The following ABCA13 variants were observed in gnomAD, a reference collection of about 807,000 sequenced individuals.
The protein encoded by ABCA13 is ATP-binding cassette sub-family A member 13.
Under a neutral mutation model 478.7 loss-of-function variants are expected in ABCA13, and 476 were observed. The observed-to-expected ratio is 0.99, with a 90% confidence interval of 0.92 to 1.07. The LOEUF is 1.07. Among genes scored for constraint, ABCA13 ranks in the 50% least tolerant of loss-of-function variants. The pLI, the probability that ABCA13 is intolerant of heterozygous loss-of-function variation, is 0.00. For synonymous variants in ABCA13, 2,252 were observed against 2,158.9 expected (o/e 1.04, Z -1.20); for missense variants, 6,060 against 5,910.6 (o/e 1.03, Z -0.83).
intron 42 of ABCA13, among the ~76,000 whole-genome samples, chr7:48,439,949 G>T (rs962378530): frequency 8.5e-5 from 13 of 152,084 alleles, no homozygotes; most frequent in African/African-American, 3.1e-4. Context: ...GGCCACTTTA[G>T]ACTTCTTCCT....
At chr7:48,613,882 T>G (rs952221097) in intron 58 of ABCA13, among the ~76,000 whole-genome samples, 3 of 148,098 alleles carry the variant, frequency 2.0e-5, no homozygotes, top group African/African-American at 7.3e-5. Context: ...AATTATAGAT[T>G]ACCAATTTTG....
At position 48,239,325 on chromosome 7, in the gene ABCA13, G is replaced by A. The variant is rs767453139; in HGVS notation, c.982G>A (p.Val328Ile). Residue 328 changes from valine to isoleucine, a missense_variant, in exon 9 of 62, where the codon GTT (valine) becomes ATT (isoleucine). Physicochemically the swap from Val to Ile is conservative, Grantham distance 29. Transcript: ENST00000435803. ...GGATGAAGCTGAGAAATGGGGCCACGTTGGAGGCTGCCACCCTAAGTGGTC... is the reference window on the plus strand; with the variant it reads ...GGATGAAGCTGAGAAATGGGGCCACATTGGAGGCTGCCACCCTAAGTGGTC... ...SEDEAEKWGH[V>I]GGCHPKWSEA... is the part of the protein sequence containing the mutation. 4.0e-5 allele frequency: 64 copies of A among 1,613,978 alleles called. No individual in the cohort carries two copies. The highest frequency in any genetic ancestry group is 3.3e-4 in the African/African-American group (25 of 75,048).
At chr7:48,368,760 T>C (rs369858539) in intron 32 of ABCA13, among the ~76,000 whole-genome samples, 22 of 126,026 alleles carry the variant, frequency 1.7e-4, no homozygotes, top group East Asian at 1.5e-3. Flanking sequence ...TATATATATA[T>C]ACACACATAT....
At chr7:48,465,524 CTTT>C (rs71552482) in intron 43 of ABCA13, among the ~76,000 whole-genome samples, 6 of 134,454 alleles carry the variant, frequency 4.5e-5, no homozygotes, top group Non-Finnish European at 8.0e-5. Flanking sequence ...TTTCTTCTTT[CTTT>C]TTTTTTTTTT....
chr7:48,286,543 C>T (rs1396991385), intron 19 of ABCA13, among the ~76,000 whole-genome samples: 3 of 152,014 alleles, frequency 2.0e-5, no homozygotes, highest in Non-Finnish European at 2.9e-5. Context: ...CTCGCTCTGT[C>T]GCCCAGGCTG....
rs931050029 is a variant in ABCA13, at chr7:48,233,896, G to C, written c.764-122G>C. ...TGCTTTTTCTATCTGATGCCCCAGT[G>C]GTGTTTGGTCTTCATTTGCTCTTCC... On this transcript the variant is annotated intron_variant, in intron 7 of 61. Transcript: ENST00000435803. 9 of 1,069,496 alleles carry C rather than the reference G, an allele frequency of 8.4e-6. No individual in the cohort carries two copies. The East Asian group carries it at 2.4e-4, about 28-fold the overall frequency. The allele number at this position is 1,069,496 out of a possible 1,614,324, so 66.3% of individuals were successfully genotyped here. A position where few individuals can be genotyped will look rare whatever the true frequency, so the allele number is the denominator to read the frequency against.
At chr7:48,191,211 C>T (rs1450550863) in intron 1 of ABCA13, among the ~76,000 whole-genome samples, 1 of 152,140 alleles carries the variant, frequency 6.6e-6, no homozygotes, top group Non-Finnish European at 1.5e-5. Context: ...TAGTTATCTC[C>T]TGAGCGTCCT....
chr7:48,590,010 C>T (rs1789558893), intron 57 of ABCA13, among the ~76,000 whole-genome samples: 1 of 152,088 alleles, frequency 6.6e-6, no homozygotes, highest in African/African-American at 2.4e-5. Flanking sequence ...AGCCCTATAT[C>T]CTGTATATTA....
intron 41 of ABCA13, among the ~76,000 whole-genome samples, chr7:48,413,753 A>T (rs1332579230): frequency 6.6e-6 from 1 of 152,230 alleles, no homozygotes; most frequent in African/African-American, 2.4e-5. Context: ...TTTGTCTGGA[A>T]TAAATAGTCA....
chr7:48,581,845 C>T (rs1788739215), intron 56 of ABCA13, among the ~76,000 whole-genome samples: 2 of 152,146 alleles, frequency 1.3e-5, no homozygotes, highest in South Asian at 4.1e-4. Context: ...GCATCTGTTT[C>T]CAAAGGAGTT....
At chr7:48,198,034 T>C (rs1464937743) in intron 2 of ABCA13, among the ~76,000 whole-genome samples, 1 of 152,170 alleles carries the variant, frequency 6.6e-6, no homozygotes, top group Admixed American at 6.5e-5. Context: ...ACATGAGTAC[T>C]GACCCTGGAA....
chr7:48,590,157 T>A (rs952340878), intron 57 of ABCA13, among the ~76,000 whole-genome samples: 3 of 152,148 alleles, frequency 2.0e-5, no homozygotes, highest in African/African-American at 7.2e-5. Context: ...TAAGAAGTAG[T>A]GTTTTTCCAT....
chr7:48,630,803 C>G (rs62447355), intron 59 of ABCA13, among the ~76,000 whole-genome samples: 37,278 of 146,562 alleles, frequency 0.25, 5,107 homozygotes, highest in Middle Eastern at 0.38. Flanking sequence ...TTCTCCACAG[C>G]CTTGCCAGCA....
chr7:48,479,141 G>A (rs879422053), intron 45 of ABCA13, among the ~76,000 whole-genome samples: 1 of 151,358 alleles, frequency 6.6e-6, no homozygotes, highest in Non-Finnish European at 1.5e-5. Flanking sequence ...TAGTAGTGAC[G>A]GGGTTTCACC....
chr7:48,537,411 A>G (rs780824057), intron 55 of ABCA13, among the ~76,000 whole-genome samples: 138 of 152,190 alleles, frequency 9.1e-4, no homozygotes, highest in Non-Finnish European at 1.7e-3. Context: ...AGGAAGTAGC[A>G]CTCGAACATG....
chr7:48,468,133 C>A (rs968665118), intron 44 of ABCA13, among the ~76,000 whole-genome samples: 7 of 145,858 alleles, frequency 4.8e-5, no homozygotes, highest in African/African-American at 1.7e-4. Flanking sequence ...AAAAAAAAAT[C>A]TTTTATCTAG....
rs781585195 is a variant in ABCA13, at chr7:48,279,043, A to T, written c.7849A>T (p.Met2617Leu). 6.2e-7 allele frequency: 1 copy of T among 1,613,244 alleles called. No individual in the cohort carries two copies. The highest frequency in any genetic ancestry group is 1.3e-5 in the African/African-American group (1 of 75,056). ...ATCATCAAACTCTGATATTTTCAGT[A>T]TGTCACCTAGCATACTCTCATATAT... is the stretch of plus-strand genomic sequence containing the variant. ...YISSNSDIFS[M>L]SPSILSYMNQ... Residue 2617 changes from methionine (M) to leucine (L), a missense_variant, in exon 18 of 62, where the codon ATG becomes TTG. Coordinates refer to ENST00000435803, the MANE Select transcript of ABCA13 (RefSeq NM_152701.5).
chr7:48,410,983 CTTT>C (rs1818956690), intron 40 of ABCA13, among the ~76,000 whole-genome samples: 1 of 59,812 alleles, frequency 1.7e-5, no homozygotes, highest in African/African-American at 6.3e-5. Flanking sequence ...TTTTCTCTTT[CTTT>C]CTTTCTTTCT....
chr7:48,544,972 G>A (rs1366991319), intron 55 of ABCA13, among the ~76,000 whole-genome samples: 1 of 151,938 alleles, frequency 6.6e-6, no homozygotes, highest in Non-Finnish European at 1.5e-5. Context: ...TTGATTGTTG[G>A]TGGGGAGAAA....
Sources: gnomAD v4.1 joint callset for allele counts (sites outside exome capture counted in the v4.1 genomes callset) on GRCh38, gnomAD v4.1.1 for gene constraint, MANE v1.5 for transcripts, NCBI Gene and HGNC (gene_info 2026-07-23, HGNC 2026-07-21) for gene names.